GRID2: variants seen among roughly 807,000 people sequenced by gnomAD.
The protein encoded by GRID2 is glutamate ionotropic receptor delta type subunit 2, also known as glutamate receptor ionotropic, delta-2.
In GRID2, 33 loss-of-function variants were observed where a neutral mutation model predicts 114.8. The ratio of observed to expected loss-of-function variants is 0.29; its 90% confidence interval spans 0.22 to 0.38. GRID2 has a LOEUF of 0.38. Among genes scored for constraint, GRID2 ranks in the 10% least tolerant of loss-of-function variants. GRID2 has a pLI of 1.00. For synonymous variants in GRID2, 505 were observed against 449.9 expected (o/e 1.12, Z -1.55); for missense variants, 1,184 against 1,257.7 (o/e 0.94, Z 0.89).
chr4:92,820,367 GC>G (rs1741197519), intron 2 of GRID2, among the ~76,000 whole-genome samples: 1 of 152,126 alleles, frequency 6.6e-6, no homozygotes. Flanking sequence ...GCACTCTAAT[GC>G]CTTTAGATTT....
intron 3 of GRID2, among the ~76,000 whole-genome samples, chr4:93,098,754 A>G (rs1731442039): frequency 6.6e-6 from 1 of 151,920 alleles, no homozygotes; most frequent in Non-Finnish European, 1.5e-5. Flanking sequence ...ATATTGGTAG[A>G]TCTATTAGAA....
rs1742367871 is a variant in GRID2 at position 92,835,161 on chromosome 4, A to G, written c.244+244875A>G. 1.3e-5 allele frequency among the ~76,000 whole-genome samples: 2 copies of G among 149,294 alleles called. 1 individual carries two copies. Among genetic ancestry groups the G allele is most frequent in the South Asian group, 4.2e-4 (2 of 4,720 alleles). ...GGAGACAAAACAAGGGTTGAGAATAATAAAAAATACAACAAGCAGCTGAAA... is the reference window on the plus strand; with the variant it reads ...GGAGACAAAACAAGGGTTGAGAATAGTAAAAAATACAACAAGCAGCTGAAA... On this transcript the variant is annotated intron_variant, in intron 2 of 15. Transcript: ENST00000282020.
At chr4:93,383,266 G>A (rs1764029317) in intron 8 of GRID2, among the ~76,000 whole-genome samples, 1 of 152,096 alleles carries the variant, frequency 6.6e-6, no homozygotes, top group Admixed American at 6.6e-5. Context: ...AGAAGCAGCA[G>A]TAAGCAATCA....
At position 92,682,171 on chromosome 4, in the gene GRID2, C is replaced by A. The variant is rs188967954; in HGVS notation, c.244+91885C>A. Among the ~76,000 whole-genome samples, 140 of 151,874 alleles carry A rather than the reference C, an allele frequency of 9.2e-4. 1 individual carries two copies. The highest frequency in any genetic ancestry group is 3.1e-3 in the African/African-American group (129 of 41,434). On this transcript the variant is annotated intron_variant, in intron 2 of 15. Coordinates refer to ENST00000282020, the MANE Select transcript of GRID2 (RefSeq NM_001510.4). The stretch of plus-strand genomic sequence containing the variant: ...TCATTTTAAGGGATCATCACTTCAA[C>A]ATGAATCTTGTTAAAAGATTGTTCA...
At chr4:93,602,475 C>T (rs1739778763) in intron 13 of GRID2, among the ~76,000 whole-genome samples, 1 of 152,194 alleles carries the variant, frequency 6.6e-6, no homozygotes, top group South Asian at 2.1e-4. Context: ...GTGTCTGTCA[C>T]ATTTTGGTAA....
chr4:93,518,419 A>G (rs1190373496), intron 13 of GRID2, among the ~76,000 whole-genome samples: 2 of 152,050 alleles, frequency 1.3e-5, no homozygotes, highest in African/African-American at 4.8e-5. Flanking sequence ...TCTTTTGCAT[A>G]AGTAGAAAAA....
At chr4:92,812,329 C>T (rs1008970257) in intron 2 of GRID2, among the ~76,000 whole-genome samples, 4 of 152,028 alleles carry the variant, frequency 2.6e-5, no homozygotes, top group Non-Finnish European at 5.9e-5. Context: ...TGAAAATGAT[C>T]TGCCAAATCG....
intron 1 of GRID2, among the ~76,000 whole-genome samples, chr4:92,317,629 A>G (rs1726064405): frequency 6.6e-6 from 1 of 152,232 alleles, no homozygotes; most frequent in Non-Finnish European, 1.5e-5. Flanking sequence ...GTTTTAGATA[A>G]TCTATAAACC....
intron 14 of GRID2, among the ~76,000 whole-genome samples, chr4:93,768,075 C>T (rs1456405555): frequency 1.3e-5 from 2 of 152,284 alleles, no homozygotes; most frequent in East Asian, 3.9e-4. Flanking sequence ...GCTGAAGTGT[C>T]TCCTACGCAA....
chr4:93,089,354 T>C (rs1278597648), intron 3 of GRID2, among the ~76,000 whole-genome samples: 2 of 152,166 alleles, frequency 1.3e-5, no homozygotes, highest in African/African-American at 4.8e-5. Flanking sequence ...GGTTTACTTA[T>C]TATTGAAAGC....
intron 2 of GRID2, among the ~76,000 whole-genome samples, chr4:92,726,742 T>C (rs1211867504): frequency 6.6e-6 from 1 of 152,094 alleles, no homozygotes; most frequent in Non-Finnish European, 1.5e-5. Context: ...TCCATATCGA[T>C]TAAGCTGAAA....
intron 13 of GRID2, among the ~76,000 whole-genome samples, chr4:93,621,850 A>G (rs1742240190): frequency 6.6e-6 from 1 of 152,228 alleles, no homozygotes; most frequent in Admixed American, 6.5e-5. Context: ...AAATCCATTC[A>G]TAATTCTTTG....
intron 14 of GRID2, among the ~76,000 whole-genome samples, chr4:93,727,015 A>G (rs1253219452): frequency 6.6e-6 from 1 of 152,144 alleles, no homozygotes; most frequent in East Asian, 1.9e-4. Flanking sequence ...AGAACTTCCA[A>G]CACTATGTTG....
At chr4:93,718,931 C>T (rs1359224514) in intron 14 of GRID2, among the ~76,000 whole-genome samples, 2 of 152,062 alleles carry the variant, frequency 1.3e-5, no homozygotes, top group Non-Finnish European at 2.9e-5. Flanking sequence ...GTTATCCAAG[C>T]TTTTCATGCA....
At chr4:93,621,222 G>A (rs1486365059) in intron 13 of GRID2, among the ~76,000 whole-genome samples, 2 of 152,146 alleles carry the variant, frequency 1.3e-5, no homozygotes, top group Non-Finnish European at 2.9e-5. Context: ...ATTTATCACG[G>A]GGAGTCTATT....
At chr4:92,977,954 A>G (rs1432100455) in intron 2 of GRID2, among the ~76,000 whole-genome samples, 1 of 152,224 alleles carries the variant, frequency 6.6e-6, no homozygotes, top group South Asian at 2.1e-4. Flanking sequence ...AATGTCAAGT[A>G]GTCAGCTGGA....
intron 11 of GRID2, 40 bp from the exon 12 acceptor site, chr4:93,490,599 C>T (rs373913862): frequency 7.1e-5 from 108 of 1,524,224 alleles, no homozygotes; most frequent in Non-Finnish European, 8.2e-5. Context: ...TCAATAAATA[C>T]TAGTTGATGT....
chr4:92,527,750 A>C (rs1266712659), intron 1 of GRID2, among the ~76,000 whole-genome samples: 1 of 152,108 alleles, frequency 6.6e-6, no homozygotes, highest in Non-Finnish European at 1.5e-5. Context: ...TTCCTTTAAC[A>C]TTTCATGAGG....
chr4:93,449,377 G>A (rs1439791983), intron 10 of GRID2, among the ~76,000 whole-genome samples: 2 of 151,904 alleles, frequency 1.3e-5, no homozygotes. Flanking sequence ...GAAAAACAGA[G>A]GTGATATTTA....
Sources: gnomAD v4.1 joint callset for allele counts (sites outside exome capture counted in the v4.1 genomes callset) on GRCh38, gnomAD v4.1.1 for gene constraint, MANE v1.5 for transcripts, NCBI Gene and HGNC (gene_info 2026-07-23, HGNC 2026-07-21) for gene names.